Variants in FAF1 observed in about 807,000 individuals in gnomAD.
The protein encoded by FAF1 is FAS-associated factor 1.
FAF1 carries 25 observed loss-of-function variants against 92.5 expected under a neutral mutation model. The observed-to-expected ratio is 0.27, with a 90% CI of 0.20 to 0.38. The LOEUF is 0.38. Ranked by LOEUF, FAF1 falls within the 10% of genes least tolerant of loss-of-function variation. FAF1 has a pLI of 1.00. For synonymous variants in FAF1, 234 were observed against 273.2 expected, an observed-to-expected ratio of 0.86 and a Z score of 1.42; for missense variants, 636 against 793.3, an observed-to-expected ratio of 0.80 and a Z score of 2.38.
intron 1 of FAF1, among the ~76,000 whole-genome samples, chr1:50,858,354 CT>C (rs1410074625): frequency 1.3e-5 from 2 of 151,826 alleles, no homozygotes; most frequent in African/African-American, 4.8e-5. Flanking sequence ...ATACCATGCA[CT>C]TTATATAAAA....
At chr1:50,688,714 A>G (rs1017055016) in intron 7 of FAF1, among the ~76,000 whole-genome samples, 9 of 152,182 alleles carry the variant, frequency 5.9e-5, no homozygotes, top group Non-Finnish European at 1.3e-4. Context: ...CGGGAGGCTG[A>G]GGCAGGAGAA....
chr1:50,724,316 C>T (rs1373824207), intron 6 of FAF1, among the ~76,000 whole-genome samples: 6 of 149,362 alleles, frequency 4.0e-5, no homozygotes, highest in South Asian at 2.1e-4. Flanking sequence ...CACACACACA[C>T]ACACACACAC....
chr1:50,625,828 T>G (rs1444489719), intron 8 of FAF1, among the ~76,000 whole-genome samples: 2 of 151,912 alleles, frequency 1.3e-5, no homozygotes, highest in Non-Finnish European at 2.9e-5. Context: ...CACTGAGAGA[T>G]TTGAAGCAAG....
intron 2 of FAF1, among the ~76,000 whole-genome samples, chr1:50,832,672 T>C (rs1644164918): frequency 1.3e-5 from 2 of 152,230 alleles, no homozygotes; most frequent in African/African-American, 2.4e-5. Context: ...GGATAGTTAT[T>C]TGTTTTTACT....
chr1:50,546,315 T>C (rs1175294650), intron 13 of FAF1, among the ~76,000 whole-genome samples: 4 of 152,200 alleles, frequency 2.6e-5, no homozygotes, highest in African/African-American at 9.7e-5. Flanking sequence ...TTAAATTGTG[T>C]TTACCATTTG....
At chr1:50,680,472 CAGGAGTTTG>C (rs767259197) in intron 7 of FAF1, among the ~76,000 whole-genome samples, 21 of 152,218 alleles carry the variant, frequency 1.4e-4, no homozygotes, top group Non-Finnish European at 2.9e-4. Context: ...CACCTGAGGT[CAGGAGTTTG>C]AGACCAGCCT....
At chr1:50,494,115 G>A (rs1040396499) in intron 15 of FAF1, among the ~76,000 whole-genome samples, 1 of 152,176 alleles carries the variant, frequency 6.6e-6, no homozygotes, top group Non-Finnish European at 1.5e-5. Flanking sequence ...ATTTATCATG[G>A]TCATAGCTTC....
intron 7 of FAF1, among the ~76,000 whole-genome samples, chr1:50,660,978 G>A (rs545625940): frequency 3.9e-5 from 6 of 152,102 alleles, no homozygotes; most frequent in African/African-American, 1.4e-4. Flanking sequence ...GAAAAGAGGT[G>A]CTAAACATAT....
At position 50,655,453 on chromosome 1, in the gene FAF1, TAGC is replaced by T; in HGVS notation, c.730_732del (p.Ala244del). The T allele has an allele frequency of 6.2e-7, 1 of 1,612,372 alleles. No homozygotes were observed. Among genetic ancestry groups the T allele is most frequent in the Non-Finnish European group, 8.5e-7 (1 of 1,178,330 alleles). On this transcript the variant is annotated inframe_deletion, in exon 8 of 19. Transcript: ENST00000396153. ...TGACTGTCACTTACTGAGTCGTCTG[TAGC>T]AGAAGTTGGCCAGCCCTCCCATAAT...
intron 1 of FAF1, among the ~76,000 whole-genome samples, chr1:50,956,929 CA>C: frequency 6.6e-6 from 1 of 152,068 alleles, no homozygotes; most frequent in African/African-American, 2.4e-5. Flanking sequence ...GCCTGGGCAA[CA>C]AGAGTGAAAC....
At chr1:50,831,429 T>C (rs1002971769) in intron 2 of FAF1, among the ~76,000 whole-genome samples, 34 of 152,314 alleles carry the variant, frequency 2.2e-4, no homozygotes, top group Middle Eastern at 3.4e-3. Context: ...CAGCCTGTCA[T>C]ATTGTACTGC....
At chr1:50,943,797 T>C (rs183532828) in intron 1 of FAF1, among the ~76,000 whole-genome samples, 2 of 152,214 alleles carry the variant, frequency 1.3e-5, no homozygotes, top group Non-Finnish European at 2.9e-5. Context: ...GGAAGGTCCA[T>C]GTTTCTAGGA....
chr1:50,459,298 C>T (rs540505331), intron 18 of FAF1, among the ~76,000 whole-genome samples: 109 of 152,202 alleles, frequency 7.2e-4, no homozygotes, highest in African/African-American at 2.6e-3. Flanking sequence ...TTAACTACTA[C>T]CCAATAAAGT....
At chr1:50,875,695 C>T (rs1459872444) in intron 1 of FAF1, among the ~76,000 whole-genome samples, 2 of 152,064 alleles carry the variant, frequency 1.3e-5, no homozygotes, top group African/African-American at 4.8e-5. Flanking sequence ...TTGTGATCCA[C>T]CCCCCTCGGC....
chr1:50,957,443 C>T (rs1645277643), intron 1 of FAF1, among the ~76,000 whole-genome samples: 1 of 150,792 alleles, frequency 6.6e-6, no homozygotes, highest in African/African-American at 2.4e-5. Context: ...GCTCCGCCTC[C>T]CAGGTTCACG....
chr1:50,442,894 C>A (rs1366950054), intron 18 of FAF1, among the ~76,000 whole-genome samples: 1 of 152,182 alleles, frequency 6.6e-6, no homozygotes, highest in African/African-American at 2.4e-5. Flanking sequence ...GAACTCAGAG[C>A]AAAGCACACT....
intron 8 of FAF1, among the ~76,000 whole-genome samples, chr1:50,617,600 T>C (rs1364954657): frequency 6.6e-6 from 1 of 152,086 alleles, no homozygotes; most frequent in African/African-American, 2.4e-5. Flanking sequence ...GATATTGGCC[T>C]TACTTCTCTT....
At chr1:50,470,103 T>C (rs1207081047) in intron 18 of FAF1, among the ~76,000 whole-genome samples, 1 of 152,188 alleles carries the variant, frequency 6.6e-6, no homozygotes, top group Non-Finnish European at 1.5e-5. Flanking sequence ...CTAATATAAA[T>C]TGAAAATCAA....
At chr1:50,575,315 G>A (rs1650675496) in intron 12 of FAF1, among the ~76,000 whole-genome samples, 2 of 152,064 alleles carry the variant, frequency 1.3e-5, no homozygotes, top group African/African-American at 4.8e-5. Flanking sequence ...TCTGATAATT[G>A]GAGAATTAAA....
Sources: gnomAD v4.1 joint callset for allele counts (sites outside exome capture counted in the v4.1 genomes callset) on GRCh38, gnomAD v4.1.1 for gene constraint, MANE v1.5 for transcripts, NCBI Gene and HGNC (gene_info 2026-07-23, HGNC 2026-07-21) for gene names.